Variants in VDAC3 observed in about 807,000 individuals in gnomAD.
The protein encoded by VDAC3 is non-selective voltage-gated ion channel VDAC3.
Under a neutral mutation model 33.9 loss-of-function variants are expected in VDAC3, and 7 were observed. The ratio of observed to expected loss-of-function variants is 0.21; its 90% CI spans 0.12 to 0.39. VDAC3 has a LOEUF of 0.39. Among genes scored for constraint, VDAC3 ranks in the 10% least tolerant of loss-of-function variants. VDAC3 has a pLI of 1.00. For missense variants in VDAC3, 261 were observed against 334.5 expected, an observed-to-expected ratio of 0.78 and a Z score of 1.71; for synonymous variants, 100 against 122.4, an observed-to-expected ratio of 0.82 and a Z score of 1.21.
At chr8:42,395,200 G>T (rs915594934) in intron 4 of VDAC3, 67 bp downstream of exon 4, 1 of 1,597,022 alleles carries the variant, frequency 6.3e-7, no homozygotes, top group Non-Finnish European at 8.5e-7. Flanking sequence ...TTAAAATCAT[G>T]ACAGTCTAGT....
chr8:42,403,679 C>A (rs558300407), intron 8 of VDAC3, among the ~76,000 whole-genome samples: 8 of 152,292 alleles, frequency 5.3e-5, no homozygotes, highest in Admixed American at 5.2e-4. Context: ...AGTTCAAGAC[C>A]AGCCTAGCCA....
intron 4 of VDAC3, among the ~76,000 whole-genome samples, 200 bp from the exon 5 acceptor site, chr8:42,398,512 G>A (rs965329854): frequency 2.6e-5 from 4 of 152,194 alleles, no homozygotes; most frequent in African/African-American, 9.6e-5. Context: ...ACAGGCATGA[G>A]CCACTGCGCC....
chr8:42,403,379 AC>A lies in VDAC3; in HGVS notation c.622del (p.Ala209LeufsTer29). 2 of 1,613,824 alleles carry A rather than the reference AC, an allele frequency of 1.2e-6. No individual in the cohort carries two copies. Among genetic ancestry groups the A allele is most frequent in the Non-Finnish European group, 1.7e-6 (2 of 1,179,948 alleles). Reference sequence around the variant, plus strand: ...AATGAGAAGATTGAAACATCCATAAACCTTGCTTGGACAGCTGGGAGTAACA... The same window carrying A: ...AATGAGAAGATTGAAACATCCATAAACTTGCTTGGACAGCTGGGAGTAACA... ...KVNEKIETSI[N>X]LAWTAGSNNT... On this transcript the variant is annotated frameshift_variant, in exon 8 of 10. Transcript: ENST00000022615. LOFTEE classifies it high-confidence loss of function.
Position 42,398,874 on chromosome 8 carries a change from C to A in VDAC3, c.270+10C>A, listed in dbSNP as rs759140411. ...CTCTTGGGAGAATAAGGTAAGAGAA[C>A]GCATTAGAAGTTATTCATAGGTTCA... On this transcript the variant is annotated intron_variant, in intron 5 of 9. Transcript: ENST00000022615. 6.2e-7 allele frequency: 1 copy of A among 1,612,438 alleles called. No homozygotes were observed. Among genetic ancestry groups the A allele is most frequent in the South Asian group, 1.1e-5 (1 of 90,868 alleles).
Position 42,403,374 on chromosome 8 carries a change from C to G in VDAC3, c.615C>G (p.Ser205=). Residue 205 remains serine, a synonymous_variant, in exon 8 of 10, where the codon TCC becomes TCG. Transcript: ENST00000022615. ...YQKVNEKIET[S]INLAWTAGSN... ...AGGTGAATGAGAAGATTGAAACATC[C>G]ATAAACCTTGCTTGGACAGCTGGGA... 1 of 1,613,784 alleles carries G rather than the reference C, an allele frequency of 6.2e-7. No individual in the cohort carries two copies. The highest frequency in any genetic ancestry group is 8.5e-7 in the Non-Finnish European group (1 of 1,179,922).
intron 2 of VDAC3, 88 bp downstream of exon 2, chr8:42,393,972 A>T: frequency 2.1e-6 from 1 of 477,994 alleles, no homozygotes; most frequent in South Asian, 4.0e-5. Flanking sequence ...TTGAAATGCA[A>T]TCAGAAAGAT....
At chr8:42,392,081 G>C (rs1824877767) in intron 1 of VDAC3, among the ~76,000 whole-genome samples, 153 bp downstream of exon 1, 1 of 152,128 alleles carries the variant, frequency 6.6e-6, no homozygotes, top group Non-Finnish European at 1.5e-5. Flanking sequence ...CGCTCCCGCC[G>C]GGACCCGCCC....
Position 42,396,757 on chromosome 8 carries a change from C to T in VDAC3, c.117+1624C>T, listed in dbSNP as rs1432378424. On this transcript the variant is annotated intron_variant, in intron 4 of 9. Coordinates refer to ENST00000022615, the MANE Select transcript of VDAC3 (RefSeq NM_005662.7). ...TCTGGTATTGATTTAGGATAAATTT[C>T]AATCATTGTTCCAAATTTCTTAGAT... 2.9e-5 allele frequency: 19 copies of T among 657,184 alleles called. 1 individual carries two copies. The South Asian group carries it at 3.2e-4, about 11-fold the overall frequency. The allele number at this position is 657,184 out of a possible 1,614,324, so 40.7% of individuals were successfully genotyped here. A position where few individuals can be genotyped will look rare whatever the true frequency, so the allele number is the denominator to read the frequency against.
Position 42,405,574 on chromosome 8 carries a change from C to A in VDAC3, c.*112C>A. ...ATTTCAAAAGTGTGAACTTTTTATTCTTCCAAAGAATTGTAATCCTCCCCA... is the reference window on the plus strand; with the variant it reads ...ATTTCAAAAGTGTGAACTTTTTATTATTCCAAAGAATTGTAATCCTCCCCA... On this transcript the variant is annotated 3_prime_UTR_variant, in exon 10 of 10. Coordinates refer to ENST00000022615, the MANE Select transcript of VDAC3 (RefSeq NM_005662.7). 1.1e-6 allele frequency: 1 copy of A among 914,420 alleles called. No individual in the cohort carries two copies. The highest frequency in any genetic ancestry group is 1.7e-6 in the Non-Finnish European group (1 of 588,450). 56.6% of individuals were successfully genotyped at this position (914,420 alleles called of 1,614,324 possible).
At chr8:42,399,758 A>G in intron 6 of VDAC3, 55 bp downstream of exon 6, 4 of 1,539,192 alleles carry the variant, frequency 2.6e-6, no homozygotes, top group Non-Finnish European at 3.6e-6. Context: ...AAGGGTAGAG[A>G]GCTTTAGAAT....
At chr8:42,400,277 G>T (rs1024614399) in intron 6 of VDAC3, among the ~76,000 whole-genome samples, 2 of 151,264 alleles carry the variant, frequency 1.3e-5, no homozygotes, top group Non-Finnish European at 2.9e-5. Context: ...GGCGGAGCTT[G>T]CAGTGAGCCG....
At chr8:42,399,012 T>C in intron 5 of VDAC3, 148 bp downstream of exon 5, 1 of 834,216 alleles carries the variant, frequency 1.2e-6, no homozygotes, top group Non-Finnish European at 1.8e-6. Context: ...TGATGTCTTA[T>C]GTTTCTAGAA....
chr8:42,395,645 C>T (rs1585947988), intron 4 of VDAC3, among the ~76,000 whole-genome samples: 1 of 152,132 alleles, frequency 6.6e-6, no homozygotes, highest in East Asian at 1.9e-4. Context: ...GCTATGTTGG[C>T]ATATTTTCAA....
Position 42,401,009 on chromosome 8 carries a change from A to T in VDAC3, c.324-779A>T, listed in dbSNP as rs527611477. 2.6e-5 allele frequency among the ~76,000 whole-genome samples: 4 copies of T among 152,100 alleles called. No individual in the cohort carries two copies. The East Asian group carries it at 7.7e-4, about 29-fold the overall frequency. On this transcript the variant is annotated intron_variant, in intron 6 of 9. Coordinates refer to ENST00000022615, the MANE Select transcript of VDAC3 (RefSeq NM_005662.7). ...GCTTGATTGGAATAGGGTTATTAAGAACTAATTTCATTTTTTCAGTATTGT... is the reference window on the plus strand; with the variant it reads ...GCTTGATTGGAATAGGGTTATTAAGTACTAATTTCATTTTTTCAGTATTGT...
In VDAC3 at chr8:42,405,377, A is replaced by C; in HGVS notation, c.767A>C (p.Lys256Thr). ...GGTGTTTTCTTCTTCCTAGGAGTCA[A>C]ATTGACTTTATCAGCTTTAATCGAT... ...GYTQTLRPGVKLTLSALIDGK... is the reference protein window; with the variant it reads ...GYTQTLRPGVTLTLSALIDGK... The change falls in exon 10 of 10, where the codon AAA becomes ACA. Residue 256 changes from lysine (K) to threonine (T), a missense_variant. Coordinates refer to ENST00000022615, the MANE Select transcript of VDAC3 (RefSeq NM_005662.7). 6.2e-7 allele frequency: 1 copy of C among 1,613,140 alleles called. No individual in the cohort carries two copies. Among genetic ancestry groups the C allele is most frequent in the Non-Finnish European group, 8.5e-7 (1 of 1,179,828 alleles).
At chr8:42,403,257 A>G in intron 7 of VDAC3, 54 bp from the exon 8 acceptor site, 1 of 1,588,720 alleles carries the variant, frequency 6.3e-7, no homozygotes, top group East Asian at 2.2e-5. Flanking sequence ...TTCATACCAT[A>G]ATAACAATGG....
At chr8:42,400,308 A>G (rs1405006035) in intron 6 of VDAC3, among the ~76,000 whole-genome samples, 4 of 151,734 alleles carry the variant, frequency 2.6e-5, no homozygotes, top group Non-Finnish European at 4.4e-5. Flanking sequence ...CAGCCTGGGC[A>G]ACAGAGCGAG....
At chr8:42,399,748 A>G in intron 6 of VDAC3, 45 bp downstream of exon 6, 1 of 1,565,860 alleles carries the variant, frequency 6.4e-7, no homozygotes, top group African/African-American at 1.4e-5. Flanking sequence ...TGGAGCCTGA[A>G]AGGGTAGAGA....
In VDAC3 at chr8:42,402,100, C is replaced by T; in HGVS notation, c.551+85C>T. 5 of 1,349,436 alleles carry T rather than the reference C, an allele frequency of 3.7e-6. No homozygotes were observed. In the South Asian group the frequency reaches 5.1e-5, roughly 14 times the overall value. The allele number at this position is 1,349,436 out of a possible 1,614,324, so 83.6% of individuals were successfully genotyped here. ...TAGCATGCTGAGAAGTGATGGTACT[C>T]AGATTTAGCATGCCTTGGTGAATAT... is the stretch of plus-strand genomic sequence containing the variant. On this transcript the variant is annotated intron_variant, in intron 7 of 9. Coordinates refer to ENST00000022615, the MANE Select transcript of VDAC3 (RefSeq NM_005662.7).
Sources: gnomAD v4.1 joint callset for allele counts (sites outside exome capture counted in the v4.1 genomes callset) on GRCh38, gnomAD v4.1.1 for gene constraint, MANE v1.5 for transcripts, NCBI Gene and HGNC (gene_info 2026-07-23, HGNC 2026-07-21) for gene names.